Variants in DNAJC16 observed in about 807,000 individuals in gnomAD.
DNAJC16 encodes the protein dnaJ homolog subfamily C member 16.
In DNAJC16, 76 loss-of-function variants were observed where a neutral mutation model predicts 92.7. The ratio of observed to expected loss-of-function variants is 0.82; its 90% CI spans 0.68 to 0.99. DNAJC16 has a LOEUF of 0.99. Ranked by LOEUF, DNAJC16 falls within the 50% of genes least tolerant of loss-of-function variation. The pLI is 0.00. For missense variants in DNAJC16, 869 were observed against 942.4 expected, an observed-to-expected ratio of 0.92 and a Z score of 1.02; for synonymous variants, 328 against 358.7, an observed-to-expected ratio of 0.91 and a Z score of 0.97.
chr1:15,553,382 C>G (rs1414580646), intron 7 of DNAJC16, among the ~76,000 whole-genome samples: 1 of 151,774 alleles, frequency 6.6e-6, no homozygotes, highest in African/African-American at 2.4e-5. Flanking sequence ...TGTAGGCACA[C>G]TCCACCACGC....
intron 2 of DNAJC16, among the ~76,000 whole-genome samples, chr1:15,530,391 C>G (rs1412923716): frequency 6.6e-6 from 1 of 151,944 alleles, no homozygotes; most frequent in African/African-American, 2.4e-5. Flanking sequence ...CTGTAGTTAT[C>G]AGGATAGCAA....
intron 1 of DNAJC16, among the ~76,000 whole-genome samples, chr1:15,528,349 G>T (rs1183980122): frequency 6.6e-6 from 1 of 152,130 alleles, no homozygotes; most frequent in Non-Finnish European, 1.5e-5. Context: ...CAGGAGACTT[G>T]CTTGAACCTG....
rs751000142 is a variant in DNAJC16 at position 15,544,437 on chromosome 1, C to T, written c.613C>T (p.Arg205Cys). The change falls in exon 5 of 15, where the codon CGC becomes TGC. Residue 205 changes from arginine (R) to cysteine (C), a missense_variant. Coordinates refer to ENST00000375847, the MANE Select transcript of DNAJC16 (RefSeq NM_015291.4). ...IGVVHAGYER[R>C]LAHHLGAHST... ...CGTGGTCCATGCTGGGTATGAGAGA[C>T]GCCTGGCCCATCACCTAGGGGCACA... 1.4e-5 allele frequency: 22 copies of T among 1,613,818 alleles called. No individual in the cohort carries two copies. The highest frequency in any genetic ancestry group is 2.2e-5 in the East Asian group (1 of 44,888).
At chr1:15,552,770 ATT>A (rs1275264353) in intron 7 of DNAJC16, among the ~76,000 whole-genome samples, 6 of 140,366 alleles carry the variant, frequency 4.3e-5, no homozygotes, top group Non-Finnish European at 4.6e-5. Context: ...ATTATTATTT[ATT>A]TTTTTTTTTT....
intron 4 of DNAJC16, among the ~76,000 whole-genome samples, chr1:15,539,027 C>T (rs867390650): frequency 2.0e-5 from 3 of 152,064 alleles, no homozygotes; most frequent in African/African-American, 7.2e-5. Context: ...AAAAACTTCC[C>T]TAAAGGGTGT....
chr1:15,549,062 A>C (rs1372496741), intron 7 of DNAJC16, among the ~76,000 whole-genome samples: 1 of 152,232 alleles, frequency 6.6e-6, no homozygotes, highest in Non-Finnish European at 1.5e-5. Context: ...TTTCTAAGTT[A>C]AAATAGTACT....
chr1:15,531,470 T>C (rs1710659049), intron 2 of DNAJC16, among the ~76,000 whole-genome samples: 1 of 152,242 alleles, frequency 6.6e-6, no homozygotes, highest in Non-Finnish European at 1.5e-5. Flanking sequence ...CTCTTGCCTC[T>C]TTATGTTTAA....
intron 4 of DNAJC16, among the ~76,000 whole-genome samples, chr1:15,542,002 C>A (rs1710942166): frequency 6.6e-6 from 1 of 152,148 alleles, no homozygotes; most frequent in Admixed American, 6.5e-5. Context: ...TGAGGCGACT[C>A]TTAGTGGGCC....
chr1:15,532,933 A>G (rs961925129), intron 2 of DNAJC16, among the ~76,000 whole-genome samples: 6 of 152,244 alleles, frequency 3.9e-5, no homozygotes, highest in Non-Finnish European at 5.9e-5. Context: ...CATTCCTGCT[A>G]GAATAAATCC....
intron 7 of DNAJC16, among the ~76,000 whole-genome samples, chr1:15,550,969 A>T (rs551297956): frequency 1.3e-5 from 2 of 152,230 alleles, no homozygotes; most frequent in Non-Finnish European, 2.9e-5. Flanking sequence ...TCCCGGGTTC[A>T]GGCAATTCTT....
intron 13 of DNAJC16, 81 bp from the exon 14 acceptor site, chr1:15,567,018 T>C: frequency 7.3e-7 from 1 of 1,367,734 alleles, no homozygotes; most frequent in South Asian, 1.3e-5. Flanking sequence ...AACATAGCAT[T>C]TTCTTTCAGC....
rs1375217627 is a variant in DNAJC16, at chr1:15,559,699, A to G, written c.1154+43A>G. ...TGCCTCTGCTTGTTATTACAATAGA[A>G]GGATCATGATTCATTTTACTATAGG... On this transcript the variant is annotated intron_variant, in intron 8 of 14. Transcript: ENST00000375847. 3.7e-6 allele frequency: 6 copies of G among 1,604,222 alleles called. No homozygotes were observed. The Admixed American group carries it at 8.5e-5, about 23-fold the overall frequency.
intron 8 of DNAJC16, among the ~76,000 whole-genome samples, chr1:15,561,482 T>G (rs1302825989): frequency 6.6e-6 from 1 of 151,892 alleles, no homozygotes; most frequent in Non-Finnish European, 1.5e-5. Context: ...GTCAGGAGTT[T>G]GAGACCAGCC....
In DNAJC16 at chr1:15,569,892, C is replaced by T. The variant is rs552929781; in HGVS notation, c.*1715C>T. 6.6e-6 allele frequency: 1 copy of T among 152,426 alleles called. No individual in the cohort carries two copies. Among genetic ancestry groups the T allele is most frequent in the South Asian group, 2.1e-4 (1 of 4,826 alleles). The allele number at this position is 152,426 out of a possible 1,614,324, so 9.4% of individuals were successfully genotyped here. A position where few individuals can be genotyped will look rare whatever the true frequency, so the allele number is the denominator to read the frequency against. On this transcript the variant is annotated 3_prime_UTR_variant, in exon 15 of 15. Coordinates refer to ENST00000375847, the MANE Select transcript of DNAJC16 (RefSeq NM_015291.4). ...GAACTCCTGACCTCAGGTGATCTGC[C>T]TGCCTCAGCCTCCCAAAGTGCTGCT...
In DNAJC16 at chr1:15,544,151, T is replaced by TACACACACACAC. The variant is rs148744006; in HGVS notation, c.575-224_575-213dup. Among the ~76,000 whole-genome samples, 481 of 137,282 alleles carry TACACACACACAC rather than the reference T, an allele frequency of 3.5e-3. 6 individuals are homozygous for TACACACACACAC. The highest frequency in any genetic ancestry group is 0.011 in the African/African-American group (386 of 35,954). 90.1% of individuals were successfully genotyped at this position (137,282 alleles called of 152,430 possible). Reference sequence around the variant, plus strand: ...CCCCATTTTGTTTTATGTATATGCATACACACACACACACACACACACACA... The same window carrying TACACACACACAC: ...CCCCATTTTGTTTTATGTATATGCATACACACACACACACACACACACACACACACACACACA... On this transcript the variant is annotated intron_variant, in intron 4 of 14. Coordinates refer to ENST00000375847, the MANE Select transcript of DNAJC16 (RefSeq NM_015291.4).
At chr1:15,567,574 A>G (rs540754522) in intron 14 of DNAJC16, among the ~76,000 whole-genome samples, 3 of 152,256 alleles carry the variant, frequency 2.0e-5, no homozygotes, top group Non-Finnish European at 4.4e-5. Context: ...CCACCGAGCA[A>G]GCGATGGGGG....
Position 15,570,938 on chromosome 1 carries a change from C to T in DNAJC16, c.*2761C>T, listed in dbSNP as rs572565. On this transcript the variant is annotated 3_prime_UTR_variant, in exon 15 of 15. Transcript: ENST00000375847. ...TAGAGATGGGTTCTTCTGGTTGATA[C>T]AGACTATGCATTGCGTTTAGCAGAT... 5.9e-5 allele frequency: 9 copies of T among 151,640 alleles called. No homozygotes were observed. Among genetic ancestry groups the T allele is most frequent in the South Asian group, 4.1e-4 (2 of 4,832 alleles). The allele number at this position is 151,640 out of a possible 1,614,324, so 9.4% of individuals were successfully genotyped here.
At chr1:15,543,144 A>G (rs988909068) in intron 4 of DNAJC16, among the ~76,000 whole-genome samples, 6 of 152,210 alleles carry the variant, frequency 3.9e-5, no homozygotes, top group Non-Finnish European at 5.9e-5. Context: ...TGAGGCTTAC[A>G]TTCTAGAAGG....
At chr1:15,536,438 CT>C in intron 3 of DNAJC16, 36 bp from the exon 4 acceptor site, 1 of 1,504,650 alleles carries the variant, frequency 6.6e-7, no homozygotes, top group Non-Finnish European at 8.9e-7. Context: ...TTGGATGAAC[CT>C]TTTGTTGTTG....
Sources: allele counts gnomAD v4.1 joint callset (sites outside exome capture counted in the v4.1 genomes callset), GRCh38; gene constraint gnomAD v4.1.1; transcripts MANE v1.5; gene names NCBI Gene and HGNC (gene_info 2026-07-23, HGNC 2026-07-21).